Variants in NLGN1 observed in about 807,000 individuals in gnomAD.
The protein encoded by NLGN1 is neuroligin-1.
Under a neutral mutation model 65.5 loss-of-function variants are expected in NLGN1, and 12 were observed. That is an observed-to-expected ratio of 0.18 (90% CI 0.12 to 0.30). NLGN1 has a LOEUF of 0.30. Among genes scored for constraint, NLGN1 ranks in the 10% least tolerant of loss-of-function variants. The pLI, the probability that NLGN1 is intolerant of heterozygous loss-of-function variation, is 1.00. For missense variants in NLGN1, 750 were observed against 1,007.1 expected (o/e 0.74, Z 3.46); for synonymous variants, 350 against 359.5 (o/e 0.97, Z 0.30).
intron 3 of NLGN1, among the ~76,000 whole-genome samples, chr3:173,751,449 T>C (rs1776285386): frequency 6.6e-6 from 1 of 152,070 alleles, no homozygotes; most frequent in African/African-American, 2.4e-5. Context: ...TTATTTGCCA[T>C]GTGTTGTAAA....
Position 174,176,658 on chromosome 3 carries a change from G to A in NLGN1, c.647-98657G>A, listed in dbSNP as rs1054119647. 3.9e-5 allele frequency among the ~76,000 whole-genome samples: 6 copies of A among 152,128 alleles called. 1 individual carries two copies. The South Asian group carries it at 1.0e-3, about 26-fold the overall frequency. On this transcript the variant is annotated intron_variant, in intron 4 of 6. Transcript: ENST00000457714. ...AAATGCAGAACAGTGAATGAACAGT[G>A]AATAGTAACTTTGTAGTAGAGATTG...
intron 2 of NLGN1, among the ~76,000 whole-genome samples, chr3:173,599,023 T>C (rs973286143): frequency 6.6e-6 from 1 of 152,158 alleles, no homozygotes; most frequent in Non-Finnish European, 1.5e-5. Context: ...GTGGGATCCC[T>C]TCTGTGACCA....
intron 4 of NLGN1, among the ~76,000 whole-genome samples, chr3:173,980,932 T>G (rs1188749248): frequency 3.3e-5 from 5 of 152,216 alleles, no homozygotes; most frequent in Non-Finnish European, 7.3e-5. Context: ...TGATCCATAT[T>G]TTTTCAGTCC....
intron 2 of NLGN1, among the ~76,000 whole-genome samples, chr3:173,437,796 C>T (rs915467856): frequency 6.6e-6 from 1 of 152,056 alleles, no homozygotes; most frequent in African/African-American, 2.4e-5. Context: ...CACACACACA[C>T]ACAGATATGC....
At chr3:173,986,444 A>T (rs1478409209) in intron 4 of NLGN1, among the ~76,000 whole-genome samples, 1 of 152,032 alleles carries the variant, frequency 6.6e-6, no homozygotes, top group Admixed American at 6.5e-5. Context: ...ACTCCAGCCT[A>T]GGCAACAGAG....
At chr3:174,240,784 G>C (rs139270116) in intron 4 of NLGN1, among the ~76,000 whole-genome samples, 1 of 152,164 alleles carries the variant, frequency 6.6e-6, no homozygotes, top group Admixed American at 6.5e-5. Flanking sequence ...TCAAGCACAT[G>C]TTATATGTAA....
chr3:173,685,172 T>G (rs1764513372), intron 3 of NLGN1, among the ~76,000 whole-genome samples: 1 of 152,190 alleles, frequency 6.6e-6, no homozygotes. Flanking sequence ...TGCCGAGTAG[T>G]TGCTCCAGTT....
intron 4 of NLGN1, among the ~76,000 whole-genome samples, chr3:173,877,500 A>G (rs1732367419): frequency 6.6e-6 from 1 of 152,098 alleles, no homozygotes; most frequent in South Asian, 2.1e-4. Flanking sequence ...AAAAGTGAAA[A>G]AAACCCTGCA....
At chr3:173,928,883 C>G (rs189727479) in intron 4 of NLGN1, among the ~76,000 whole-genome samples, 1 of 151,952 alleles carries the variant, frequency 6.6e-6, no homozygotes, top group African/African-American at 2.4e-5. Flanking sequence ...GTTGACTAGG[C>G]TGGTGTTGAA....
chr3:173,467,759 A>C (rs190698948), intron 2 of NLGN1, among the ~76,000 whole-genome samples: 94 of 152,266 alleles, frequency 6.2e-4, no homozygotes, highest in African/African-American at 2.2e-3. Flanking sequence ...CACAATGTTT[A>C]TCTCTCATTC....
intron 4 of NLGN1, among the ~76,000 whole-genome samples, chr3:174,175,088 G>C (rs1577219155): frequency 6.6e-6 from 1 of 151,978 alleles, no homozygotes; most frequent in African/African-American, 2.4e-5. Context: ...CTTTGGGAAT[G>C]ATCCATGTGC....
chr3:173,670,358 A>G (rs1365896823), intron 3 of NLGN1, among the ~76,000 whole-genome samples: 1 of 152,200 alleles, frequency 6.6e-6, no homozygotes, highest in African/African-American at 2.4e-5. Context: ...TATAGTAAGG[A>G]CAAAAACAGT....
intron 4 of NLGN1, among the ~76,000 whole-genome samples, chr3:173,843,742 G>C (rs1288178675): frequency 6.6e-6 from 1 of 152,140 alleles, no homozygotes. Flanking sequence ...CATTCAACAA[G>C]TCTCTAGGAA....
At chr3:174,230,228 G>C (rs1264409813) in intron 4 of NLGN1, among the ~76,000 whole-genome samples, 1 of 151,946 alleles carries the variant, frequency 6.6e-6, no homozygotes, top group African/African-American at 2.4e-5. Context: ...AACTTTAAAG[G>C]GTGACTCAGA....
intron 2 of NLGN1, among the ~76,000 whole-genome samples, chr3:173,592,325 A>T (rs1748657483): frequency 6.6e-6 from 1 of 152,214 alleles, no homozygotes; most frequent in African/African-American, 2.4e-5. Context: ...ATTAGTTGTA[A>T]TGATGGTTAT....
chr3:173,862,526 A>G (rs1382946142), intron 4 of NLGN1, among the ~76,000 whole-genome samples: 3 of 149,542 alleles, frequency 2.0e-5, no homozygotes, highest in Non-Finnish European at 3.0e-5. Context: ...AAAAAAAAAA[A>G]AAAAGAAAAT....
Position 173,505,754 on chromosome 3 carries a change from G to A in NLGN1, c.-321+70676G>A, listed in dbSNP as rs149192651. ...GTTATCCTAACTGTCATTGGCAGTC[G>A]ATTCCTCTCTGTCACTGAATTTAGC... On this transcript the variant is annotated intron_variant, in intron 2 of 6. Coordinates refer to ENST00000457714, the Ensembl canonical transcript of NLGN1. Among the ~76,000 whole-genome samples the A allele has an allele frequency of 1.0e-3, 155 of 152,094 alleles. 1 individual carries two copies. Among genetic ancestry groups the A allele is most frequent in the East Asian group, 9.3e-3 (48 of 5,176 alleles).
intron 4 of NLGN1, among the ~76,000 whole-genome samples, chr3:174,097,464 G>A (rs985017181): frequency 2.0e-5 from 3 of 152,146 alleles, no homozygotes; most frequent in Admixed American, 1.3e-4. Context: ...AAAATTATTT[G>A]AATTTAGAGC....
chr3:173,710,068 A>C (rs917842649), intron 3 of NLGN1, among the ~76,000 whole-genome samples: 2 of 152,300 alleles, frequency 1.3e-5, no homozygotes, highest in African/African-American at 4.8e-5. Flanking sequence ...GGTGATGGAC[A>C]TATCTTTAAT....
Sources: allele counts gnomAD v4.1 joint callset (sites outside exome capture counted in the v4.1 genomes callset), GRCh38; gene constraint gnomAD v4.1.1; transcripts MANE v1.5; gene names NCBI Gene and HGNC (gene_info 2026-07-23, HGNC 2026-07-21).